Variants in TBC1D22A observed in about 807,000 individuals in gnomAD.
The protein encoded by TBC1D22A is putative GTPase activator.
In TBC1D22A, 38 loss-of-function variants were observed where a neutral mutation model predicts 60.2. The ratio of observed to expected loss-of-function variants is 0.63; its 90% confidence interval spans 0.49 to 0.83. TBC1D22A has a LOEUF of 0.83. Among genes scored for constraint, TBC1D22A ranks in the 40% least tolerant of loss-of-function variants. The probability of loss-of-function intolerance (pLI) is 0.00; values close to 1 mark genes in which losing one functional copy is unlikely to be tolerated. For synonymous variants in TBC1D22A, 302 were observed against 281.7 expected (o/e 1.07, Z -0.72); for missense variants, 628 against 701.0 (o/e 0.90, Z 1.18).
intron 12 of TBC1D22A, among the ~76,000 whole-genome samples, chr22:47,124,186 G>A (rs1048986656): frequency 2.6e-5 from 4 of 152,192 alleles, no homozygotes; most frequent in Non-Finnish European, 5.9e-5. Context: ...CTGCTGCTGC[G>A]GTGGGGGTGG....
intron 4 of TBC1D22A, among the ~76,000 whole-genome samples, chr22:46,809,781 C>T (rs2085304627): frequency 6.6e-6 from 1 of 152,132 alleles, no homozygotes; most frequent in African/African-American, 2.4e-5. Flanking sequence ...GCAGGGAGCC[C>T]TGCCCGGCTG....
At chr22:46,789,568 G>A (rs530607421) in intron 1 of TBC1D22A, 1 of 170,320 alleles carries the variant, frequency 5.9e-6, no homozygotes, top group African/African-American at 2.4e-5. Flanking sequence ...AAAAATGTTT[G>A]TCAAGTTTTG....
At chr22:46,872,033 A>G (rs2067314155) in intron 4 of TBC1D22A, among the ~76,000 whole-genome samples, 1 of 152,222 alleles carries the variant, frequency 6.6e-6, no homozygotes, top group African/African-American at 2.4e-5. Flanking sequence ...GTTATTTACA[A>G]TTTTATGCCA....
intron 12 of TBC1D22A, among the ~76,000 whole-genome samples, chr22:47,172,045 C>T (rs2068493623): frequency 1.1e-5 from 1 of 92,500 alleles, no homozygotes; most frequent in Admixed American, 1.2e-4. Context: ...CTACCCAGCA[C>T]TCCCAGTGAG....
In TBC1D22A at chr22:46,875,029, C is replaced by T. The variant is rs531469198; in HGVS notation, c.638-3624C>T. On this transcript the variant is annotated intron_variant, in intron 4 of 12. Transcript: ENST00000337137. ...TAAATAAAGGGAGATGTACATCTGC[C>T]CTATGACCCAGCAGTTCCACTCCTT... Among the ~76,000 whole-genome samples, 3 of 152,224 alleles carry T rather than the reference C, an allele frequency of 2.0e-5. No homozygotes were observed. The South Asian group carries it at 6.2e-4, about 32-fold the overall frequency.
chr22:46,765,726 C>T (rs1174446959), intron 1 of TBC1D22A, among the ~76,000 whole-genome samples: 1 of 151,746 alleles, frequency 6.6e-6, no homozygotes, highest in Non-Finnish European at 1.5e-5. Context: ...CTCAGCCTCC[C>T]AAAGTGCTGG....
At chr22:47,121,259 A>G (rs2066262331) in intron 12 of TBC1D22A, among the ~76,000 whole-genome samples, 1 of 152,268 alleles carries the variant, frequency 6.6e-6, no homozygotes, top group Non-Finnish European at 1.5e-5. Context: ...GGCGTAAAGC[A>G]GGCATGCTGT....
rs749679165 is a variant in TBC1D22A, at chr22:46,878,662, G to A, written c.647G>A (p.Arg216Gln). 9.9e-6 allele frequency: 16 copies of A among 1,613,166 alleles called. No homozygotes were observed. Among genetic ancestry groups the A allele is most frequent in the Non-Finnish European group, 1.4e-5 (16 of 1,179,812 alleles). Residue 216 changes from arginine (R) to glutamine (Q), a missense_variant, in exon 5 of 13, where the codon CGG becomes CAG. Arg to Gln is a conservative substitution (Grantham distance 43). Transcript: ENST00000337137. ...CTTTTTTCATCAACAGAGGAATTAC[G>A]GAGGTTGAGCTGGTCCGGAATCCCT... ...AGPNTDLEEL[R>Q]RLSWSGIPKP...
At chr22:46,992,593 T>G (rs2074986388) in intron 9 of TBC1D22A, among the ~76,000 whole-genome samples, 1 of 152,266 alleles carries the variant, frequency 6.6e-6, no homozygotes, top group African/African-American at 2.4e-5. Flanking sequence ...CCTGCGTGTT[T>G]GACTCCTTCG....
intron 12 of TBC1D22A, among the ~76,000 whole-genome samples, chr22:47,165,904 G>C (rs923794111): frequency 6.6e-6 from 1 of 152,156 alleles, no homozygotes; most frequent in Admixed American, 6.5e-5. Flanking sequence ...CTGTGGAAAA[G>C]CAAATTAAAC....
chr22:47,148,646 G>C (rs959411394), intron 12 of TBC1D22A, among the ~76,000 whole-genome samples: 1 of 142,018 alleles, frequency 7.0e-6, no homozygotes, highest in South Asian at 2.2e-4. Context: ...CCTCCCCTGG[G>C]TTCCTCTCCT....
intron 4 of TBC1D22A, among the ~76,000 whole-genome samples, chr22:46,798,492 C>T (rs998499436): frequency 5.3e-5 from 8 of 152,252 alleles, no homozygotes; most frequent in African/African-American, 1.2e-4. Flanking sequence ...TCCAGGCACA[C>T]GCAGTGCCCA....
intron 9 of TBC1D22A, among the ~76,000 whole-genome samples, chr22:46,992,181 A>G (rs1287007056): frequency 6.6e-6 from 1 of 152,246 alleles, no homozygotes; most frequent in Non-Finnish European, 1.5e-5. Context: ...TTCACAGTGC[A>G]AGGATGCAGA....
chr22:46,897,635 G>A (rs893757299), intron 7 of TBC1D22A, among the ~76,000 whole-genome samples: 3 of 125,486 alleles, frequency 2.4e-5, no homozygotes, highest in African/African-American at 3.6e-5. Flanking sequence ...GTTTTGTTTC[G>A]TTTTGTTTTT....
chr22:47,010,821 GAACAAC>G (rs372858910), intron 10 of TBC1D22A, among the ~76,000 whole-genome samples: 1 of 148,140 alleles, frequency 6.8e-6, no homozygotes, highest in African/African-American at 2.5e-5. Context: ...GATGCATATA[GAACAAC>G]AACAACAACA....
At chr22:46,873,813 A>C (rs1489272759) in intron 4 of TBC1D22A, among the ~76,000 whole-genome samples, 2 of 147,770 alleles carry the variant, frequency 1.4e-5, no homozygotes, top group African/African-American at 5.0e-5. Flanking sequence ...TTTTCTTTTG[A>C]GACAGAGTCT....
At chr22:46,953,444 A>T (rs537042435) in intron 8 of TBC1D22A, among the ~76,000 whole-genome samples, 59 of 151,882 alleles carry the variant, frequency 3.9e-4, no homozygotes, top group African/African-American at 1.2e-3. Flanking sequence ...GAAATTATTT[A>T]AAAAATGCCT....
chr22:46,961,425 G>A (rs879424139), intron 8 of TBC1D22A, among the ~76,000 whole-genome samples: 1 of 152,026 alleles, frequency 6.6e-6, no homozygotes, highest in East Asian at 1.9e-4. Flanking sequence ...GTGTAATTTT[G>A]TATTCACGTT....
At chr22:47,022,939 T>C (rs1033029438) in intron 10 of TBC1D22A, among the ~76,000 whole-genome samples, 11 of 152,146 alleles carry the variant, frequency 7.2e-5, no homozygotes, top group South Asian at 2.1e-4. Context: ...TAAAAAAATA[T>C]CAGGTTTCCA....
Sources: gnomAD v4.1 joint callset for allele counts (sites outside exome capture counted in the v4.1 genomes callset) on GRCh38, gnomAD v4.1.1 for gene constraint, MANE v1.5 for transcripts, NCBI Gene and HGNC (gene_info 2026-07-23, HGNC 2026-07-21) for gene names.